The following DMPK variants were observed in gnomAD, a reference collection of about 807,000 sequenced individuals.
The protein encoded by DMPK is DM1 protein kinase.
A neutral mutation model predicts 70.3 loss-of-function variants in DMPK; 32 were observed. The observed-to-expected ratio is 0.46, with a 90% CI of 0.34 to 0.61. The LOEUF (loss-of-function observed/expected upper bound fraction) is 0.61, where lower values mean the gene tolerates loss of function less well. DMPK is among the 20% of genes least tolerant of loss of function. The pLI is 0.01. For missense variants in DMPK, 899 were observed against 886.0 expected, an observed-to-expected ratio of 1.01 and a Z score of -0.19; for synonymous variants, 469 against 390.9, an observed-to-expected ratio of 1.20 and a Z score of -2.36.
At position 45,770,603 on chromosome 19, in the gene DMPK, A is replaced by T. The variant is rs770809944; in HGVS notation, c.1775T>A (p.Leu592His). The T allele has an allele frequency of 3.4e-5, 53 of 1,552,792 alleles. No individual in the cohort carries two copies. The Admixed American group carries it at 8.8e-4, about 26-fold the overall frequency. The change falls in exon 15 of 15, where the codon CTC becomes CAC. Residue 592 changes from leucine to histidine, a missense_variant. This residue lies in a region of DMPK where 555 missense variants were observed against 483.8 expected (regional missense o/e 1.15). Transcript: ENST00000291270. ...RPGLSEALSL[L>H]LFAVVLSRAA... ...ACGAGACAGAACAACGGCGAACAGG[A>T]GCAGGGAAAGCGCCTCCGATAGGCC... is the stretch of plus-strand genomic sequence containing the variant.
chr19:45,777,278 G>A lies in DMPK; in HGVS notation c.1146+49C>T, dbSNP rs1307102428. ...ACTGTCCTTACTCCAACTTTATGGA[G>A]GGAGCATGGGGAGGTTCCCGCAGCC... On this transcript the variant is annotated intron_variant, in intron 8 of 14. Transcript: ENST00000291270. The surrounding 1 kb of genome is among the most constrained non-coding windows in gnomAD (Gnocchi z 6.7). The A allele has an allele frequency of 6.6e-7, 1 of 1,508,552 alleles. No homozygotes were observed. Among genetic ancestry groups the A allele is most frequent in the Non-Finnish European group, 8.8e-7 (1 of 1,130,560 alleles). 93.4% of individuals were successfully genotyped at this position (1,508,552 alleles called of 1,614,324 possible).
At position 45,769,772 on chromosome 19, in the gene DMPK, G is replaced by A. The variant is rs1481427892; in HGVS notation, c.*716C>T. On this transcript the variant is annotated 3_prime_UTR_variant, in exon 15 of 15. Transcript: ENST00000291270. ...AGGGTCGGGGGTGGGGGTCCTAGGT[G>A]GGGACAGACAATAAATACCGAGGAA... 2.7e-5 allele frequency: 5 copies of A among 185,482 alleles called. 1 individual carries two copies. Among genetic ancestry groups the A allele is most frequent in the Non-Finnish European group, 4.5e-5 (4 of 88,116 alleles). The allele number at this position is 185,482 out of a possible 1,614,324, so 11.5% of individuals were successfully genotyped here.
chr19:45,770,908 T>C, intron 14 of DMPK, 63 bp downstream of exon 14: 1 of 1,222,416 alleles, frequency 8.2e-7, no homozygotes. Flanking sequence ...GCTAAGCGGG[T>C]GGCAAGGGGC....
In DMPK at chr19:45,771,882, G is replaced by A. The variant is rs1484283491; in HGVS notation, c.1391C>T (p.Ala464Val). 3 of 1,593,802 alleles carry A rather than the reference G, an allele frequency of 1.9e-6. No homozygotes were observed. The highest frequency in any genetic ancestry group is 1.3e-5 in the African/African-American group (1 of 74,444). ...PAAVPAAEAE[A>V]EVTLRELQEA... ...CTGGAGCTCCCGCAGCGTCACCTCG[G>A]CCTCAGCCTCTGCCGCAGGGACAGC... The change falls in exon 11 of 15, where the codon GCC (alanine) becomes GTC (valine). Residue 464 changes from alanine to valine, a missense_variant. By Grantham distance (64) the Ala-to-Val change is moderately conservative. Around this residue, in one of 3 missense-constraint regions of DMPK, gnomAD observed 555 missense variants for 483.8 expected, o/e 1.15. Transcript: ENST00000291270.
At chr19:45,770,943 G>C in intron 14 of DMPK, 28 bp downstream of exon 14, 1 of 1,400,096 alleles carries the variant, frequency 7.1e-7, no homozygotes, top group East Asian at 2.7e-5. Context: ...GCGCGACGGC[G>C]GAGGGGGGCG....
chr19:45,771,806 C>G lies in DMPK; in HGVS notation c.1467G>C (p.Met489Ile). 6.4e-7 allele frequency: 1 copy of G among 1,568,998 alleles called. No homozygotes were observed. ...VLTRQSLSREMEAIRTDNQNF... is the reference protein window; with the variant it reads ...VLTRQSLSREIEAIRTDNQNF... ...TCTGGTTGTCCGTGCGGATGGCCTC[C>G]ATCTCCCGGCTCAGGCTCTGCCGGG... is the stretch of plus-strand genomic sequence containing the variant. The change falls in exon 11 of 15, where the codon ATG (methionine) becomes ATC (isoleucine). Residue 489 changes from methionine (M) to isoleucine (I), a missense_variant. Met to Ile is a conservative substitution (Grantham distance 10). This residue lies in a region of DMPK where 555 missense variants were observed against 483.8 expected (regional missense o/e 1.15). Coordinates refer to ENST00000291270, the MANE Select transcript of DMPK (RefSeq NM_004409.5).
chr19:45,778,741 C>CAG, intron 4 of DMPK, 100 bp from the exon 5 acceptor site: 1 of 1,246,446 alleles, frequency 8.0e-7, no homozygotes. Flanking sequence ...CATCCTTGGG[C>CAG]AGAGACCTGC....
intron 2 of DMPK, 75 bp from the exon 3 acceptor site, chr19:45,779,597 C>CT: frequency 6.3e-7 from 1 of 1,590,084 alleles, no homozygotes; most frequent in African/African-American, 1.3e-5. Context: ...ACTCCACCCG[C>CT]TTCTGCACCC....
At position 45,775,690 on chromosome 19, in the gene DMPK, G is replaced by T. The variant is rs1355690258; in HGVS notation, c.1147-656C>A. ...ACGCCACCAAGCCTGGCTAAATTTT[G>T]TATTTTTAGTAGACACAGGGTTTCA... On this transcript the variant is annotated intron_variant, in intron 8 of 14. Transcript: ENST00000291270. Among the ~76,000 whole-genome samples, 2 of 108,646 alleles carry T rather than the reference G, an allele frequency of 1.8e-5. 1 individual carries two copies. The highest frequency in any genetic ancestry group is 3.9e-5 in the Non-Finnish European group (2 of 50,772). 71.3% of individuals were successfully genotyped at this position (108,646 alleles called of 152,430 possible).
In DMPK at chr19:45,770,220, C is replaced by CAGCAGCAGT. The variant is rs1969280953; in HGVS notation, c.*267_*268insACTGCTGCT. On this transcript the variant is annotated 3_prime_UTR_variant, in exon 15 of 15. Coordinates refer to ENST00000291270, the MANE Select transcript of DMPK (RefSeq NM_004409.5). ...GTGATCCCCCCAGCAGCAGCAGCAG[C>CAGCAGCAGT]AGCAGCAGCAGCAGCAGCAGCAGCA... 7.0e-6 allele frequency: 1 copy of CAGCAGCAGT among 142,552 alleles called. No homozygotes were observed. Among genetic ancestry groups the CAGCAGCAGT allele is most frequent in the Non-Finnish European group, 8.1e-6 (1 of 123,820 alleles). The allele number at this position is 142,552 out of a possible 1,614,324, so 8.8% of individuals were successfully genotyped here.
intron 9 of DMPK, among the ~76,000 whole-genome samples, chr19:45,774,297 C>T (rs1969653970): frequency 1.5e-5 from 2 of 130,778 alleles, no homozygotes; most frequent in South Asian, 4.8e-4. Flanking sequence ...GAGTCTTGCT[C>T]TGTCGCCCAG....
rs573787396 is a variant in DMPK, at chr19:45,781,082, T to G, written c.160+1111A>C. On this transcript the variant is annotated intron_variant, in intron 1 of 14. Transcript: ENST00000291270. The stretch of plus-strand genomic sequence containing the variant: ...GGCCTGGCCCTTCTTGGCCTCCACC[T>G]TCCCATCTGTGAAATGGGAGGAGGA... Among the ~76,000 whole-genome samples the G allele has an allele frequency of 2.0e-5, 3 of 152,208 alleles. No individual in the cohort carries two copies. The East Asian group carries it at 5.8e-4, about 29-fold the overall frequency.
intron 1 of DMPK, chr19:45,780,464 C>T (rs1016938945): frequency 1.6e-6 from 2 of 1,236,266 alleles, no homozygotes; most frequent in African/African-American, 3.1e-5. Context: ...GCCCATCTCT[C>T]AGTCCTCCAG....
chr19:45,772,082 C>T (rs1969494377), intron 10 of DMPK, among the ~76,000 whole-genome samples, 154 bp from the exon 11 acceptor site: 1 of 152,264 alleles, frequency 6.6e-6, no homozygotes, highest in East Asian at 1.9e-4. Flanking sequence ...GATCCAAGCC[C>T]CCTCCCTTCC....
In DMPK at chr19:45,779,027, G is replaced by A. The variant is rs1229930548; in HGVS notation, c.432+237C>T. 3 of 593,336 alleles carry A rather than the reference G, an allele frequency of 5.1e-6. No homozygotes were observed. The African/African-American group carries it at 5.6e-5, about 11-fold the overall frequency. The allele number at this position is 593,336 out of a possible 1,614,324, so 36.8% of individuals were successfully genotyped here. A position where few individuals can be genotyped will look rare whatever the true frequency, so the allele number is the denominator to read the frequency against. On this transcript the variant is annotated intron_variant, in intron 4 of 14. Coordinates refer to ENST00000291270, the MANE Select transcript of DMPK (RefSeq NM_004409.5). ...CAGGTAAGAGACCCCCCGCAACAGA[G>A]ACATCTTTATAAGAGTCCCCCAGAT...
intron 9 of DMPK, 32 bp downstream of exon 9, chr19:45,774,917 G>A: frequency 6.4e-7 from 1 of 1,563,774 alleles, no homozygotes; most frequent in South Asian, 1.1e-5. Context: ...GCAGCCTCGT[G>A]GCCCCTGGAG....
chr19:45,775,109 G>C, intron 8 of DMPK, 75 bp from the exon 9 acceptor site: 1 of 1,219,430 alleles, frequency 8.2e-7, no homozygotes, highest in Non-Finnish European at 1.2e-6. Flanking sequence ...TGGCTTACAT[G>C]TTCCCCCCAA....
At chr19:45,779,017 C>T in intron 4 of DMPK, 2 of 591,878 alleles carry the variant, frequency 3.4e-6, no homozygotes, top group Non-Finnish European at 6.0e-6. Context: ...AAGAGACCCC[C>T]CGCAACAGAG....
chr19:45,782,323 G>A lies in DMPK; in HGVS notation c.30C>T (p.Leu10=), dbSNP rs778249103. 6 of 1,584,878 alleles carry A rather than the reference G, an allele frequency of 3.8e-6. No individual in the cohort carries two copies. In the South Asian group the frequency reaches 6.8e-5, roughly 18 times the overall value. ...AGCCCGGGTCCAACACCAGCTGCTG[G>A]AGCCGCCTCAGCCGCACCTCGGCTG... MSAEVRLRR[L]QQLVLDPGFL... Residue 10 remains leucine (L), a synonymous_variant, in exon 1 of 15, where the codon CTC becomes CTT. Coordinates refer to ENST00000291270, the MANE Select transcript of DMPK (RefSeq NM_004409.5).
Sources: gnomAD v4.1 joint callset for allele counts (sites outside exome capture counted in the v4.1 genomes callset) on GRCh38, gnomAD v4.1.1 for gene constraint, gnomAD v4.1.1 regional missense constraint, Gnocchi (gnomAD v3.1) non-coding constraint, MANE v1.5 for transcripts, NCBI Gene and HGNC (gene_info 2026-07-23, HGNC 2026-07-21) for gene names.